AACS: variants seen among roughly 807,000 people sequenced by gnomAD.
AACS encodes acetoacetyl-CoA synthetase.
In AACS, 69 loss-of-function variants were observed where a neutral mutation model predicts 83.1. The ratio of observed to expected loss-of-function variants is 0.83; its 90% CI spans 0.68 to 1.01. AACS has a LOEUF of 1.01. Among genes scored for constraint, AACS ranks in the 50% least tolerant of loss-of-function variants. The probability of loss-of-function intolerance (pLI) is 0.00; values close to 1 mark genes in which losing one functional copy is unlikely to be tolerated. For missense variants in AACS, 866 were observed against 882.2 expected (o/e 0.98, Z 0.23); for synonymous variants, 333 against 343.4 (o/e 0.97, Z 0.33).
At position 125,080,934 on chromosome 12, in the gene AACS, A is replaced by G. The variant is rs566530379; in HGVS notation, c.358+4323A>G. Among the ~76,000 whole-genome samples, 12 of 150,918 alleles carry G rather than the reference A, an allele frequency of 8.0e-5. No individual in the cohort carries two copies. In the South Asian group the frequency reaches 8.4e-4, roughly 11 times the overall value. On this transcript the variant is annotated intron_variant, in intron 3 of 17. Transcript: ENST00000316519. ...TCTCCATCTCCTGACCTCGTGATCCACCCGCCTTGGCCTCCCAAAGTGCTG... is the reference window on the plus strand; with the variant it reads ...TCTCCATCTCCTGACCTCGTGATCCGCCCGCCTTGGCCTCCCAAAGTGCTG...
chr12:125,073,571 T>G (rs1955935909), intron 1 of AACS, among the ~76,000 whole-genome samples: 1 of 152,188 alleles, frequency 6.6e-6, no homozygotes, highest in Non-Finnish European at 1.5e-5. Context: ...AGCTAATAAG[T>G]GGCAGAACCA....
At chr12:125,138,196 C>G (rs1055994949) in intron 17 of AACS, 2 of 151,626 alleles carry the variant, frequency 1.3e-5, no homozygotes, top group Non-Finnish European at 2.9e-5. Context: ...CTCGGGACCC[C>G]TGTCCCTCCT....
Position 125,130,232 on chromosome 12 carries a change from T to G in AACS, c.1549+772T>G, listed in dbSNP as rs1957311100. Among the ~76,000 whole-genome samples, 1 of 152,242 alleles carries G rather than the reference T, an allele frequency of 6.6e-6. No individual in the cohort carries two copies. Among genetic ancestry groups the G allele is most frequent in the Admixed American group, 6.5e-5 (1 of 15,290 alleles). On this transcript the variant is annotated intron_variant, in intron 14 of 17. Coordinates refer to ENST00000316519, the MANE Select transcript of AACS (RefSeq NM_023928.5). The surrounding 1 kb of genome is among the most constrained non-coding windows in gnomAD (Gnocchi z 4.9). The stretch of plus-strand genomic sequence containing the variant: ...AAGTGGTAGGATTTGCCAGGTATCC[T>G]TCCTGCCTTGCGTGTTTGCGTTTCA...
chr12:125,067,777 A>T (rs1360051362), intron 1 of AACS, among the ~76,000 whole-genome samples: 1 of 152,018 alleles, frequency 6.6e-6, no homozygotes. Flanking sequence ...CAGGTGATCC[A>T]CCTGCCTCGG....
rs765030018 is a variant in AACS at position 125,129,323 on chromosome 12, C to T, written c.1424-12C>T. ...GTGTGTGTTGGGCTTATTTTTAATT[C>T]TCCCATACCAGGAAAGGCGGTCTGG... On this transcript the variant is annotated splice_polypyrimidine_tract_variant and intron_variant, in intron 13 of 17. Coordinates refer to ENST00000316519, the MANE Select transcript of AACS (RefSeq NM_023928.5). The surrounding 1 kb of genome is among the most constrained non-coding windows in gnomAD (Gnocchi z 4.3). 5.6e-6 allele frequency: 9 copies of T among 1,608,090 alleles called. No individual in the cohort carries two copies. The Admixed American group carries it at 1.4e-4, about 24-fold the overall frequency.
chr12:125,065,651 A>G lies in AACS; in HGVS notation c.67A>G (p.Ser23Gly), dbSNP rs1955667738. The change falls in exon 1 of 18, where the codon AGT becomes GGT. Residue 23 changes from serine (S) to glycine (G), a missense_variant. Coordinates refer to ENST00000316519, the MANE Select transcript of AACS (RefSeq NM_023928.5). ...GTGCCAGGTGATGTGGGAGCCTGACAGTAAGAAGAACACGCAGATGGACCG... is the reference window on the plus strand; with the variant it reads ...GTGCCAGGTGATGTGGGAGCCTGACGGTAAGAAGAACACGCAGATGGACCG... ...LECQVMWEPD[S>G]KKNTQMDRFR... is the part of the protein sequence containing the mutation. The G allele has an allele frequency of 6.5e-7, 1 of 1,546,672 alleles. No individual in the cohort carries two copies. The highest frequency in any genetic ancestry group is 1.4e-5 in the African/African-American group (1 of 72,428).
intron 5 of AACS, among the ~76,000 whole-genome samples, chr12:125,095,634 C>T (rs1956591153): frequency 1.3e-5 from 2 of 152,194 alleles, no homozygotes; most frequent in Non-Finnish European, 2.9e-5. Flanking sequence ...AGAACAGCCT[C>T]TTCTCCCTCC....
chr12:125,111,658 G>A lies in AACS; in HGVS notation c.916-2819G>A, dbSNP rs1956955205. Among the ~76,000 whole-genome samples the A allele has an allele frequency of 2.6e-5, 4 of 152,148 alleles. No individual in the cohort carries two copies. The South Asian group carries it at 6.2e-4, about 24-fold the overall frequency. On this transcript the variant is annotated intron_variant, in intron 8 of 17. Coordinates refer to ENST00000316519, the MANE Select transcript of AACS (RefSeq NM_023928.5). The stretch of plus-strand genomic sequence containing the variant: ...AGGGCTGCTCGTAATCTTCCCAATT[G>A]AGTAGGGTGGGGTTCTGTTACTGGT...
At position 125,134,023 on chromosome 12, in the gene AACS, T is replaced by G. The variant is rs776773625; in HGVS notation, c.1570T>G (p.Tyr524Asp). The G allele has an allele frequency of 1.2e-6, 2 of 1,614,158 alleles. No homozygotes were observed. The highest frequency in any genetic ancestry group is 1.7e-6 in the Non-Finnish European group (2 of 1,180,020). Residue 524 changes from tyrosine (Y) to aspartate (D), a missense_variant, in exon 15 of 18, where the codon TAC becomes GAC. By Grantham distance (160) the Tyr-to-Asp change is radical (BLOSUM62 -3). Coordinates refer to ENST00000316519, the MANE Select transcript of AACS (RefSeq NM_023928.5). ...TGCAGGTATCTGGGCTCATGGCGAC[T>G]ACTGCAGAATCAACCCCAAGACCGG... ...KFPGIWAHGD[Y>D]CRINPKTGGI...
At position 125,107,095 on chromosome 12, in the gene AACS, G is replaced by A. The variant is rs540917287; in HGVS notation, c.768-26G>A. The A allele has an allele frequency of 2.4e-5, 38 of 1,613,848 alleles. 1 individual carries two copies. In the South Asian group the frequency reaches 2.4e-4, roughly 10 times the overall value. ...TCCAGCATTCTGGGACGTTCATGGCGTGTTTCCCTGCGTTTCGGCCCACAG... is the reference window on the plus strand; with the variant it reads ...TCCAGCATTCTGGGACGTTCATGGCATGTTTCCCTGCGTTTCGGCCCACAG... On this transcript the variant is annotated intron_variant, in intron 7 of 17. Transcript: ENST00000316519.
chr12:125,115,643 A>G (rs1235026094), intron 9 of AACS, among the ~76,000 whole-genome samples: 1 of 152,064 alleles, frequency 6.6e-6, no homozygotes, highest in Non-Finnish European at 1.5e-5. Context: ...TGTGCCCCTT[A>G]TGAGAGACTC....
Position 125,094,178 on chromosome 12 carries a change from T to C in AACS, c.570+2655T>C, listed in dbSNP as rs1956554077. On this transcript the variant is annotated intron_variant, in intron 5 of 17. Transcript: ENST00000316519. This position sits in a 1 kb window ranked among gnomAD's most constrained non-coding sequence, Gnocchi z 4.1. ...GGGTTCTGGGCTCGTGGACAGTTCC[T>C]GCATCGGTTTGCAGATCTCTACTTA... is the stretch of plus-strand genomic sequence containing the variant. 6.6e-6 allele frequency among the ~76,000 whole-genome samples: 1 copy of C among 152,220 alleles called. No homozygotes were observed. The highest frequency in any genetic ancestry group is 6.5e-5 in the Admixed American group (1 of 15,274).
chr12:125,140,849 C>T lies in AACS; in HGVS notation c.1882-1243C>T, dbSNP rs529665579. The T allele has an allele frequency of 1.1e-4, 16 of 152,332 alleles. No homozygotes were observed. The highest frequency in any genetic ancestry group is 3.8e-4 in the African/African-American group (16 of 41,570). The allele number at this position is 152,332 out of a possible 1,614,324, so 9.4% of individuals were successfully genotyped here. A position where few individuals can be genotyped will look rare whatever the true frequency, so the allele number is the denominator to read the frequency against. ...AGGAGTTCATGGGAGCTTGGGGACACTCTTGCCTCTAGTTCTAGGAAGCTG... is the reference window on the plus strand; with the variant it reads ...AGGAGTTCATGGGAGCTTGGGGACATTCTTGCCTCTAGTTCTAGGAAGCTG... On this transcript the variant is annotated intron_variant, in intron 17 of 17. Coordinates refer to ENST00000316519, the MANE Select transcript of AACS (RefSeq NM_023928.5). The surrounding 1 kb of genome is among the most constrained non-coding windows in gnomAD (Gnocchi z 5.1).
Position 125,136,843 on chromosome 12 carries a change from C to T in AACS, c.1860C>T (p.Ile620=), listed in dbSNP as rs1453968709. Residue 620 remains isoleucine, a synonymous_variant, in exon 17 of 18, where the codon ATC becomes ATT. Transcript: ENST00000316519. ...CTGCGCGACACGTGCCCAGCCTCATCCTGGAAACCAAGGGCATCCCGGTAT... is the reference window on the plus strand; with the variant it reads ...CTGCGCGACACGTGCCCAGCCTCATTCTGGAAACCAAGGGCATCCCGGTAT... ...GLSARHVPSL[I]LETKGIPYTL... 1 of 1,613,502 alleles carries T rather than the reference C, an allele frequency of 6.2e-7. No homozygotes were observed. The highest frequency in any genetic ancestry group is 1.3e-5 in the African/African-American group (1 of 74,938).
At chr12:125,090,491 A>T (rs1362216236) in intron 4 of AACS, among the ~76,000 whole-genome samples, 6 of 151,028 alleles carry the variant, frequency 4.0e-5, no homozygotes. Context: ...CTCTCTACCT[A>T]CCCATTCACC....
intron 17 of AACS, chr12:125,138,574 AC>A (rs1201099206): frequency 6.6e-6 from 1 of 152,216 alleles, no homozygotes; most frequent in East Asian, 1.9e-4. Context: ...AACAGTTGTT[AC>A]CAAACCATAT....
chr12:125,085,205 C>T (rs982099028), intron 3 of AACS, among the ~76,000 whole-genome samples: 24 of 152,360 alleles, frequency 1.6e-4, no homozygotes, highest in African/African-American at 5.3e-4. Context: ...GAGAACCTCG[C>T]ACGTGCATGT....
chr12:125,093,890 T>A (rs1480511070), intron 5 of AACS, among the ~76,000 whole-genome samples: 2 of 152,228 alleles, frequency 1.3e-5, no homozygotes, highest in African/African-American at 4.8e-5. Context: ...ATTTGGTGGC[T>A]TCGTGGCAGG....
chr12:125,091,386 C>A (rs1275369921), intron 4 of AACS, 40 bp from the exon 5 acceptor site: 1 of 1,603,774 alleles, frequency 6.2e-7, no homozygotes, highest in Non-Finnish European at 8.5e-7. Context: ...ACCTCCCATA[C>A]ACCCTGAACC....
Sources: gnomAD v4.1 joint callset for allele counts (sites outside exome capture counted in the v4.1 genomes callset) on GRCh38, gnomAD v4.1.1 for gene constraint, Gnocchi (gnomAD v3.1) non-coding constraint, MANE v1.5 for transcripts, NCBI Gene and HGNC (gene_info 2026-07-23, HGNC 2026-07-21) for gene names.